Variants in ATAD2B observed in about 807,000 individuals in gnomAD.
The protein encoded by ATAD2B is ATPase family AAA domain containing 2B, also known as ATPase family AAA domain-containing protein 2B.
ATAD2B carries 40 observed loss-of-function variants against 167.6 expected under a neutral mutation model. That is an observed-to-expected ratio of 0.24 (90% CI 0.19 to 0.31). ATAD2B has a LOEUF of 0.31. Among genes scored for constraint, ATAD2B ranks in the 10% least tolerant of loss-of-function variants. ATAD2B has a pLI of 1.00. For missense variants in ATAD2B, 1,242 were observed against 1,757.2 expected, an observed-to-expected ratio of 0.71 and a Z score of 5.24; for synonymous variants, 579 against 596.5, an observed-to-expected ratio of 0.97 and a Z score of 0.43.
chr2:23,705,931 G>A, the ATAD2B span, among the ~76,000 whole-genome samples: 1 of 152,156 alleles, frequency 6.6e-6, no homozygotes, highest in African/African-American at 2.4e-5. Context: ...CAGGGAAGGG[G>A]TCCAGGCACA....
At chr2:23,869,577 T>C (rs1422109607) in intron 9 of ATAD2B, 86 bp downstream of exon 9, 13 of 882,710 alleles carry the variant, frequency 1.5e-5, no homozygotes, top group Non-Finnish European at 2.2e-5. Flanking sequence ...ATGTGTTGAA[T>C]ATCAATGTTA....
intron 7 of ATAD2B, among the ~76,000 whole-genome samples, chr2:23,878,752 T>G (rs1207622731): frequency 8.5e-6 from 1 of 117,894 alleles, no homozygotes; most frequent in Non-Finnish European, 2.0e-5. Context: ...CAGACTGTCT[T>G]GTCTTAAAAA....
intron 18 of ATAD2B, chr2:23,806,367 G>A (rs1217038597): frequency 6.6e-6 from 1 of 152,088 alleles, no homozygotes; most frequent in Non-Finnish European, 1.5e-5. Flanking sequence ...CGCCATTGTG[G>A]TCATAACCAT....
intron 1 of ATAD2B, among the ~76,000 whole-genome samples, chr2:23,908,942 A>G (rs1701863745): frequency 1.4e-5 from 2 of 139,118 alleles, no homozygotes; most frequent in African/African-American, 5.4e-5. Context: ...GAACAATGAT[A>G]ACACATGGAC....
Position 23,926,651 on chromosome 2 carries a change from G to A in ATAD2B, c.120C>T (p.Ser40=). 1.3e-6 allele frequency: 2 copies of A among 1,563,280 alleles called. No homozygotes were observed. The highest frequency in any genetic ancestry group is 8.7e-7 in the Non-Finnish European group (1 of 1,154,776). The change falls in exon 1 of 28, where the codon TCC becomes TCT. Residue 40 remains serine, a synonymous_variant. Transcript: ENST00000238789. ...GGGTCTTGGAGGAGCGGGTCCGAGA[G>A]GAGATGAAATGGCTGCTGCCTCCGG... ...GATGGSSHFI[S]SRTRSSKTRA... is the part of the protein sequence containing the mutation.
At chr2:23,782,689 T>C (rs9989829) in intron 22 of ATAD2B, among the ~76,000 whole-genome samples, 180 bp downstream of exon 22, 1,901 of 152,336 alleles carry the variant, frequency 0.012, 37 homozygotes, top group African/African-American at 0.043. Context: ...CCTACAACTA[T>C]ACAATTCTCT....
chr2:23,896,677 G>A (rs1274094445), intron 1 of ATAD2B, among the ~76,000 whole-genome samples: 2 of 152,110 alleles, frequency 1.3e-5, no homozygotes, highest in Non-Finnish European at 2.9e-5. Context: ...ATAATACAGA[G>A]TCAAACCACA....
intron 12 of ATAD2B, among the ~76,000 whole-genome samples, chr2:23,861,669 C>T (rs1003541526): frequency 6.6e-6 from 1 of 151,936 alleles, no homozygotes; most frequent in African/African-American, 2.4e-5. Context: ...GAAATGGCTA[C>T]AAAAGTATAA....
intron 1 of ATAD2B, among the ~76,000 whole-genome samples, chr2:23,918,885 T>A (rs1427310384): frequency 1.3e-5 from 2 of 152,232 alleles, no homozygotes; most frequent in Admixed American, 1.3e-4. Context: ...CAACTCAGTT[T>A]CCTCAGCTAT....
chr2:23,737,398 C>T, the ATAD2B span, among the ~76,000 whole-genome samples: 1 of 152,210 alleles, frequency 6.6e-6, no homozygotes, highest in African/African-American at 2.4e-5. Context: ...CCAATATCCA[C>T]TCTTCTGCAG....
In ATAD2B at chr2:23,752,030, A is replaced by G; in HGVS notation, c.*16T>C. 6.4e-7 allele frequency: 1 copy of G among 1,550,412 alleles called. No homozygotes were observed. Among genetic ancestry groups the G allele is most frequent in the Non-Finnish European group, 8.8e-7 (1 of 1,141,228 alleles). On this transcript the variant is annotated 3_prime_UTR_variant, in exon 28 of 28. Transcript: ENST00000238789. Reference sequence around the variant, plus strand: ...AGGAGCAGATTGGAGAGGATAAACCACTCATCTTGAAAAGTTCATAGGAAT... The same window carrying G: ...AGGAGCAGATTGGAGAGGATAAACCGCTCATCTTGAAAAGTTCATAGGAAT...
intron 19 of ATAD2B, among the ~76,000 whole-genome samples, chr2:23,797,456 A>G (rs541194871): frequency 2.6e-5 from 4 of 152,126 alleles, no homozygotes; most frequent in East Asian, 1.9e-4. Context: ...GGTGCTATCA[A>G]TGAAAGGGCT....
chr2:23,797,838 A>G (rs1217108994), intron 19 of ATAD2B, among the ~76,000 whole-genome samples: 2 of 152,178 alleles, frequency 1.3e-5, no homozygotes, highest in African/African-American at 4.8e-5. Context: ...CAGCACTCAA[A>G]GAAGTTTCAG....
At chr2:23,692,020 T>G in the ATAD2B span, 1 of 737,026 alleles carries the variant, frequency 1.4e-6, no homozygotes, top group Non-Finnish European at 2.2e-6. Context: ...CAGGGCTGTT[T>G]TAAGATGGTA....
At chr2:23,898,212 G>C (rs973328398) in intron 1 of ATAD2B, among the ~76,000 whole-genome samples, 7 of 152,168 alleles carry the variant, frequency 4.6e-5, no homozygotes, top group South Asian at 2.1e-4. Context: ...CAAAGTGCTA[G>C]GATTATAGGT....
chr2:23,857,348 G>T, intron 13 of ATAD2B, 67 bp downstream of exon 13: 1 of 841,884 alleles, frequency 1.2e-6, no homozygotes, highest in Non-Finnish European at 1.8e-6. Context: ...CTTAGCTAAG[G>T]GCTAAGGCTA....
intron 14 of ATAD2B, among the ~76,000 whole-genome samples, chr2:23,831,362 GA>G (rs34403845): frequency 0.27 from 40,678 of 152,000 alleles, 5,840 homozygotes; most frequent in African/African-American, 0.37. Context: ...ATTAAAATTT[GA>G]AACCAAGATT....
intron 1 of ATAD2B, among the ~76,000 whole-genome samples, chr2:23,914,892 T>C (rs1041350306): frequency 6.6e-6 from 1 of 151,900 alleles, no homozygotes; most frequent in South Asian, 2.1e-4. Context: ...GAGTGGAGAT[T>C]AGAGCAGCAC....
chr2:23,702,451 A>G, the ATAD2B span, among the ~76,000 whole-genome samples: 1 of 152,320 alleles, frequency 6.6e-6, no homozygotes, highest in Non-Finnish European at 1.5e-5. Flanking sequence ...ATAAAGTCAA[A>G]AAATCCTAAG....
Sources: gnomAD v4.1 joint callset for allele counts (sites outside exome capture counted in the v4.1 genomes callset) on GRCh38, gnomAD v4.1.1 for gene constraint, MANE v1.5 for transcripts, NCBI Gene and HGNC (gene_info 2026-07-23, HGNC 2026-07-21) for gene names.